Variants in TNS1 observed in about 807,000 individuals in gnomAD.
TNS1 encodes the protein tensin-1.
TNS1 carries 62 observed loss-of-function variants against 168.6 expected under a neutral mutation model. The observed-to-expected ratio is 0.37, with a 90% CI of 0.30 to 0.45. The LOEUF (loss-of-function observed/expected upper bound fraction) is 0.45, where lower values mean the gene tolerates loss of function less well. Ranked by LOEUF, TNS1 falls within the 20% of genes least tolerant of loss-of-function variation. The pLI is 1.00. For missense variants in TNS1, 2,240 were observed against 2,339.4 expected, an observed-to-expected ratio of 0.96 and a Z score of 0.88; for synonymous variants, 934 against 933.2, an observed-to-expected ratio of 1.00 and a Z score of -0.02.
chr2:217,937,210 C>T (rs1200865289), intron 3 of TNS1: 1 of 363,396 alleles, frequency 2.8e-6, no homozygotes, highest in South Asian at 2.0e-5. Flanking sequence ...CCCACTAGAT[C>T]GTGTCTCCCG....
intron 3 of TNS1, chr2:217,944,221 C>T (rs1261818789): frequency 6.6e-6 from 1 of 152,322 alleles, no homozygotes; most frequent in Admixed American, 6.5e-5. Context: ...GCTGGCTGCA[C>T]TCTAGCTGGC....
At chr2:217,958,269 A>G (rs1957413293) in intron 3 of TNS1, among the ~76,000 whole-genome samples, 1 of 151,234 alleles carries the variant, frequency 6.6e-6, no homozygotes. Flanking sequence ...TGACATGGTC[A>G]AATGGGAAAG....
intron 2 of TNS1, among the ~76,000 whole-genome samples, chr2:217,983,046 G>T (rs1416180796): frequency 1.3e-5 from 2 of 152,106 alleles, no homozygotes; most frequent in Admixed American, 6.5e-5. Flanking sequence ...AAAAACCCAG[G>T]TTCCAACCCT....
intron 22 of TNS1, among the ~76,000 whole-genome samples, chr2:217,823,316 T>C (rs1011420154): frequency 5.9e-5 from 9 of 152,080 alleles, no homozygotes; most frequent in South Asian, 2.1e-4. Context: ...TGGGTTGCCA[T>C]CAAACTTTCT....
chr2:217,900,664 C>A lies in TNS1; in HGVS notation c.322-152G>T, dbSNP rs1324435509. 7 of 830,620 alleles carry A rather than the reference C, an allele frequency of 8.4e-6. No homozygotes were observed. The East Asian group carries it at 1.4e-4, about 16-fold the overall frequency. The allele number at this position is 830,620 out of a possible 1,614,324, so 51.5% of individuals were successfully genotyped here. ...CACCCTAACCCCTGCAAAAACACAG[C>A]CTGCCCGAAGCCAAAGCCATCAACA... On this transcript the variant is annotated intron_variant, in intron 6 of 32. Transcript: ENST00000682258.
intron 3 of TNS1, among the ~76,000 whole-genome samples, chr2:217,965,390 C>T (rs753143755): frequency 6.6e-6 from 1 of 152,158 alleles, no homozygotes. Context: ...GAGTGACTTG[C>T]CTGATACAAC....
chr2:217,925,129 T>C (rs1955947500), intron 3 of TNS1, among the ~76,000 whole-genome samples: 1 of 152,252 alleles, frequency 6.6e-6, no homozygotes, highest in Non-Finnish European at 1.5e-5. Context: ...TTATTGCCTA[T>C]TTTATTGTGT....
intron 1 of TNS1, among the ~76,000 whole-genome samples, chr2:218,031,459 G>C (rs1958899160): frequency 6.8e-6 from 1 of 147,128 alleles, no homozygotes; most frequent in African/African-American, 2.6e-5. Context: ...GAGCATGTCT[G>C]TGTGTGTGAG....
At chr2:217,823,702 A>AC (rs901590769) in intron 22 of TNS1, among the ~76,000 whole-genome samples, 17 of 151,818 alleles carry the variant, frequency 1.1e-4, no homozygotes, top group African/African-American at 4.1e-4. Flanking sequence ...CCCATACAGA[A>AC]CCCCCTCCAC....
chr2:217,808,658 G>A lies in TNS1; in HGVS notation c.5287C>T (p.Arg1763Cys), dbSNP rs753252697. Residue 1763 changes from arginine (R) to cysteine (C), a missense_variant, in exon 31 of 33, where the codon CGC becomes TGC. Transcript: ENST00000682258. ...TDNQRKLFFRRHYPLNTVTFC... is the reference protein window; with the variant it reads ...TDNQRKLFFRCHYPLNTVTFC... Reference sequence around the variant, plus strand: ...GTGACAGTGTTGAGAGGGTAGTGGCGTCTGAAAAAGAGCCTGCAGCACAGA... The same window carrying A: ...GTGACAGTGTTGAGAGGGTAGTGGCATCTGAAAAAGAGCCTGCAGCACAGA... 8.1e-6 allele frequency: 13 copies of A among 1,614,020 alleles called. No homozygotes were observed. The highest frequency in any genetic ancestry group is 2.2e-5 in the East Asian group (1 of 44,888).
intron 2 of TNS1, among the ~76,000 whole-genome samples, chr2:217,979,312 C>G (rs1273436414): frequency 6.6e-6 from 1 of 152,086 alleles, no homozygotes; most frequent in East Asian, 1.9e-4. Flanking sequence ...CACACCCACA[C>G]ACTCACCCAG....
At chr2:217,879,457 T>TG in intron 18 of TNS1, 3 of 454,298 alleles carry the variant, frequency 6.6e-6, no homozygotes, top group Admixed American at 2.4e-5. Flanking sequence ...ACAAGCAGCC[T>TG]GGGGGGTCGG....
intron 1 of TNS1, among the ~76,000 whole-genome samples, chr2:218,001,267 G>T (rs978112956): frequency 3.9e-5 from 6 of 152,052 alleles, no homozygotes; most frequent in Non-Finnish European, 7.4e-5. Flanking sequence ...ACACCCATAG[G>T]GCACTCTACC....
At position 217,978,815 on chromosome 2, in the gene TNS1, G is replaced by C. The variant is rs1354893027; in HGVS notation, c.149-13C>G. ...GAGAAGCTGCAGACTGCAAGAGGGC[G>C]AGACACAGAAAGAAAGTTTTAGCCG... On this transcript the variant is annotated splice_polypyrimidine_tract_variant and intron_variant, in intron 2 of 32. Transcript: ENST00000682258. 2.8e-6 allele frequency: 2 copies of C among 702,234 alleles called. No individual in the cohort carries two copies. Among genetic ancestry groups the C allele is most frequent in the Non-Finnish European group, 5.2e-6 (2 of 384,538 alleles). 43.5% of individuals were successfully genotyped at this position (702,234 alleles called of 1,614,324 possible).
rs368307992 is a variant in TNS1 at position 217,818,705 on chromosome 2, C to T, written c.3627G>A (p.Thr1209=). The stretch of plus-strand genomic sequence containing the variant: ...CAGACTCCAACAGAGGCTGGGTGGG[C>T]GTCCGGGGACCCTGGTCACTGCTCT... The part of the protein sequence containing the change: ...SGESSDQGPR[T]PTQPLLESGF... Residue 1209 remains threonine (T), a synonymous_variant, in exon 24 of 33, where the codon ACG becomes ACA. Coordinates refer to ENST00000682258, the MANE Select transcript of TNS1 (RefSeq NM_001387777.1). 2.5e-5 allele frequency: 40 copies of T among 1,613,966 alleles called. No homozygotes were observed. In the South Asian group the frequency reaches 2.5e-4, roughly 10 times the overall value.
chr2:218,011,188 G>A (rs980820718), upstream of TNS1, among the ~76,000 whole-genome samples: 2 of 152,196 alleles, frequency 1.3e-5, no homozygotes, highest in Non-Finnish European at 2.9e-5. Flanking sequence ...GCTGAACAGA[G>A]GATGGGGCCC....
intron 3 of TNS1, among the ~76,000 whole-genome samples, chr2:217,974,379 C>T (rs545770748): frequency 6.6e-6 from 1 of 152,306 alleles, no homozygotes; most frequent in Non-Finnish European, 1.5e-5. Flanking sequence ...TACTTCTTTC[C>T]TGCTTTCCTC....
chr2:218,020,621 G>C (rs1958799221), intron 1 of TNS1, among the ~76,000 whole-genome samples: 1 of 152,112 alleles, frequency 6.6e-6, no homozygotes, highest in African/African-American at 2.4e-5. Flanking sequence ...AGGAAGGTTG[G>C]TAGAATATGG....
At chr2:217,873,476 C>A (rs1949948926) in intron 18 of TNS1, among the ~76,000 whole-genome samples, 1 of 152,130 alleles carries the variant, frequency 6.6e-6, no homozygotes, top group Non-Finnish European at 1.5e-5. Flanking sequence ...GCTGTGGGAA[C>A]AGGGGTGGGG....
Sources: allele counts gnomAD v4.1 joint callset (sites outside exome capture counted in the v4.1 genomes callset), GRCh38; gene constraint gnomAD v4.1.1; transcripts MANE v1.5; gene names NCBI Gene and HGNC (gene_info 2026-07-23, HGNC 2026-07-21).